Variants in CA4 observed in about 807,000 individuals in gnomAD.
The protein encoded by CA4 is carbonic anhydrase 4.
A neutral mutation model predicts 34.5 loss-of-function variants in CA4; 24 were observed. That is an observed-to-expected ratio of 0.70 (90% CI 0.50 to 0.98). The LOEUF is 0.98. Ranked by LOEUF, CA4 falls within the 50% of genes least tolerant of loss-of-function variation. The probability of loss-of-function intolerance (pLI) is 0.00; values close to 1 mark genes in which losing one functional copy is unlikely to be tolerated. For missense variants in CA4, 394 were observed against 396.7 expected (o/e 0.99, Z 0.06); for synonymous variants, 178 against 170.6 (o/e 1.04, Z -0.34).
chr17:60,161,666 C>T (rs1169111796), downstream of CA4, among the ~76,000 whole-genome samples: 1 of 151,824 alleles, frequency 6.6e-6, no homozygotes, highest in Non-Finnish European at 1.5e-5. Flanking sequence ...GGCTGCTCCC[C>T]TCCCTCCTCC....
At chr17:60,164,598 C>T (rs1452561937) in intron 5 of CA4, among the ~76,000 whole-genome samples, 6 of 152,018 alleles carry the variant, frequency 3.9e-5, no homozygotes, top group African/African-American at 1.4e-4. Flanking sequence ...GCTATGTTGG[C>T]CAAGCTGGTC....
At chr17:60,176,942 C>CA in the CA4 span, among the ~76,000 whole-genome samples, 1 of 152,222 alleles carries the variant, frequency 6.6e-6, no homozygotes, top group African/African-American at 2.4e-5. Flanking sequence ...GCTGATCTAA[C>CA]AGAGGCAGAG....
chr17:60,171,273 T>C (rs529098597), downstream of CA4, among the ~76,000 whole-genome samples: 5 of 152,344 alleles, frequency 3.3e-5, no homozygotes, highest in African/African-American at 1.2e-4. Flanking sequence ...GGATGTTTAT[T>C]TGCAGCTCTG....
chr17:60,168,821 C>A (rs2083884988), intron 5 of CA4, among the ~76,000 whole-genome samples: 1 of 152,044 alleles, frequency 6.6e-6, no homozygotes, highest in Non-Finnish European at 1.5e-5. Context: ...CTGGAGGCTG[C>A]CATCAGTACT....
chr17:60,151,172 C>A (rs565854204), intron 1 of CA4, among the ~76,000 whole-genome samples: 1 of 152,144 alleles, frequency 6.6e-6, no homozygotes, highest in African/African-American at 2.4e-5. Flanking sequence ...CCGGAAGACC[C>A]CCTCTGCCAG....
downstream of CA4, among the ~76,000 whole-genome samples, chr17:60,174,637 G>C (rs1437008926): frequency 6.6e-6 from 1 of 152,104 alleles, no homozygotes; most frequent in Non-Finnish European, 1.5e-5. Flanking sequence ...AACTTAAAAG[G>C]CCTCTTTTTG....
chr17:60,156,266 T>C (rs1485978644), intron 2 of CA4, among the ~76,000 whole-genome samples: 1 of 152,190 alleles, frequency 6.6e-6, no homozygotes, highest in East Asian at 1.9e-4. Context: ...CTCATGAAGT[T>C]GTCCCTACCC....
downstream of CA4, among the ~76,000 whole-genome samples, chr17:60,160,439 G>T (rs1483269852): frequency 6.6e-6 from 1 of 152,164 alleles, no homozygotes; most frequent in African/African-American, 2.4e-5. Context: ...CTAATAGATC[G>T]GGAGGCAGTG....
At chr17:60,156,281 G>C (rs1299290555) in intron 2 of CA4, among the ~76,000 whole-genome samples, 1 of 152,218 alleles carries the variant, frequency 6.6e-6, no homozygotes, top group African/African-American at 2.4e-5. Context: ...CTACCCCGGA[G>C]CTCACAGTCA....
downstream of CA4, among the ~76,000 whole-genome samples, chr17:60,164,243 T>TCTTCCTTC (rs1186489804): frequency 2.0e-5 from 3 of 146,890 alleles, no homozygotes; most frequent in Admixed American, 6.7e-5. Context: ...TCTCTTTCTT[T>TCTTCCTTC]CTTCCTTCCT....
downstream of CA4, among the ~76,000 whole-genome samples, chr17:60,161,310 G>A (rs1044579890): frequency 6.6e-6 from 1 of 152,144 alleles, no homozygotes; most frequent in Non-Finnish European, 1.5e-5. Flanking sequence ...CAGGCCCCAG[G>A]TGCCAGGAAC....
chr17:60,160,503 C>A (rs868494613), downstream of CA4, among the ~76,000 whole-genome samples: 2 of 151,802 alleles, frequency 1.3e-5, no homozygotes, highest in East Asian at 2.0e-4. Flanking sequence ...GTGGCTCATG[C>A]CTGTAATTCC....
At chr17:60,157,317 T>A in intron 3 of CA4, 110 bp from the exon 4 acceptor site, 1 of 798,404 alleles carries the variant, frequency 1.3e-6, no homozygotes, top group Non-Finnish European at 1.9e-6. Flanking sequence ...CCAGAGCTCA[T>A]GAAGGTTGGG....
At chr17:60,169,542 G>A (rs1242600488) in intron 5 of CA4, among the ~76,000 whole-genome samples, 1 of 152,122 alleles carries the variant, frequency 6.6e-6, no homozygotes, top group Non-Finnish European at 1.5e-5. Context: ...AGGCTGGAGT[G>A]CAGTGGCTCA....
At chr17:60,177,797 A>T in the CA4 span, among the ~76,000 whole-genome samples, 2 of 152,232 alleles carry the variant, frequency 1.3e-5, no homozygotes, top group Non-Finnish European at 2.9e-5. Context: ...TACTGGCCTC[A>T]GATATCAGAA....
chr17:60,154,133 T>G (rs2083638496), intron 1 of CA4, among the ~76,000 whole-genome samples: 2 of 151,988 alleles, frequency 1.3e-5, no homozygotes, highest in African/African-American at 4.8e-5. Flanking sequence ...GGAACCGTGC[T>G]TTTCTTAGGA....
the CA4 span, among the ~76,000 whole-genome samples, chr17:60,178,050 A>G: frequency 2.6e-5 from 4 of 152,340 alleles, no homozygotes; most frequent in East Asian, 7.7e-4. Flanking sequence ...GCAAAGAAAC[A>G]TAACTTTCGA....
chr17:60,150,208 G>T, intron 1 of CA4, 116 bp downstream of exon 1: 1 of 873,898 alleles, frequency 1.1e-6, no homozygotes, highest in Admixed American at 2.5e-5. Flanking sequence ...TGGCGCTGGG[G>T]TCCCGGGTTG....
At chr17:60,154,081 G>A (rs2083637644) in intron 1 of CA4, among the ~76,000 whole-genome samples, 1 of 152,186 alleles carries the variant, frequency 6.6e-6, no homozygotes, top group African/African-American at 2.4e-5. Context: ...GGCAAGAAGG[G>A]AGAGGGTGGA....
Sources: allele counts gnomAD v4.1 joint callset (sites outside exome capture counted in the v4.1 genomes callset), GRCh38; gene constraint gnomAD v4.1.1; transcripts MANE v1.5; gene names NCBI Gene and HGNC (gene_info 2026-07-23, HGNC 2026-07-21).